ALK: variants seen among roughly 807,000 people sequenced by gnomAD.
ALK encodes the protein ALK receptor tyrosine kinase.
Under a neutral mutation model 163.1 loss-of-function variants are expected in ALK, and 74 were observed. The ratio of observed to expected loss-of-function variants is 0.45; its 90% CI spans 0.38 to 0.55. The LOEUF (loss-of-function observed/expected upper bound fraction) is 0.55, where lower values mean the gene tolerates loss of function less well. Among genes scored for constraint, ALK ranks in the 20% least tolerant of loss-of-function variants. The pLI is 0.00. For missense variants in ALK, 2,063 were observed against 2,105.3 expected, an observed-to-expected ratio of 0.98 and a Z score of 0.39; for synonymous variants, 960 against 843.2, an observed-to-expected ratio of 1.14 and a Z score of -2.40.
chr2:29,432,290 T>G (rs779186483), intron 4 of ALK, among the ~76,000 whole-genome samples: 7 of 152,048 alleles, frequency 4.6e-5, no homozygotes, highest in Non-Finnish European at 1.0e-4. Context: ...AGTTCTCACT[T>G]TATTAGTTCC....
In ALK at chr2:29,296,873, A is replaced by T; in HGVS notation, c.1817+15T>A. 6.2e-7 allele frequency: 1 copy of T among 1,614,056 alleles called. No individual in the cohort carries two copies. The highest frequency in any genetic ancestry group is 1.3e-5 in the African/African-American group (1 of 75,034). On this transcript the variant is annotated intron_variant, in intron 9 of 28. Coordinates refer to ENST00000389048, the MANE Select transcript of ALK (RefSeq NM_004304.5). ...ATAGAGGAGAAGGGTATTGGGGGAGATGCATAGAGCCTACCTGTCAGACAC... is the reference window on the plus strand; with the variant it reads ...ATAGAGGAGAAGGGTATTGGGGGAGTTGCATAGAGCCTACCTGTCAGACAC...
At chr2:29,695,128 T>C (rs1015902221) in intron 2 of ALK, 114 bp from the exon 3 acceptor site, 47 of 1,198,562 alleles carry the variant, frequency 3.9e-5, no homozygotes, top group Non-Finnish European at 5.1e-5. Flanking sequence ...CTTTGCCCTG[T>C]CCAAGGGAGA....
At chr2:29,572,314 G>A (rs1674398219) in intron 3 of ALK, among the ~76,000 whole-genome samples, 1 of 152,200 alleles carries the variant, frequency 6.6e-6, no homozygotes, top group Non-Finnish European at 1.5e-5. Context: ...AGCGTTGTGG[G>A]CCATTCAGAA....
intron 3 of ALK, among the ~76,000 whole-genome samples, chr2:29,694,485 C>A (rs77893230): frequency 0.012 from 1,869 of 152,280 alleles, 46 homozygotes; most frequent in African/African-American, 0.043. Context: ...CACACTTGTA[C>A]TAAAAAATCA....
chr2:29,590,939 C>T (rs531723021), intron 3 of ALK, among the ~76,000 whole-genome samples: 10 of 151,604 alleles, frequency 6.6e-5, no homozygotes, highest in South Asian at 2.1e-4. Flanking sequence ...GGCGTGTTGG[C>T]GGGCGCCTGT....
intron 1 of ALK, among the ~76,000 whole-genome samples, chr2:29,805,877 A>G (rs937862129): frequency 6.6e-6 from 1 of 151,256 alleles, no homozygotes; most frequent in Non-Finnish European, 1.5e-5. Context: ...TCTCTATTTC[A>G]CTCCTGTATC....
chr2:29,319,465 G>A (rs1343709878), intron 7 of ALK, among the ~76,000 whole-genome samples: 1 of 152,212 alleles, frequency 6.6e-6, no homozygotes, highest in Non-Finnish European at 1.5e-5. Flanking sequence ...AAGCCCTCAT[G>A]CAGGCAGGCG....
chr2:29,617,358 C>T (rs538001956), intron 3 of ALK, among the ~76,000 whole-genome samples: 18 of 152,304 alleles, frequency 1.2e-4, no homozygotes, highest in Admixed American at 8.5e-4. Context: ...TTGTGCATGA[C>T]GATCAGAGGA....
chr2:29,642,685 A>G (rs1676739603), intron 3 of ALK, among the ~76,000 whole-genome samples: 1 of 152,030 alleles, frequency 6.6e-6, no homozygotes, highest in African/African-American at 2.4e-5. Context: ...CTCAGACTCA[A>G]CTCTCACCTA....
At chr2:29,765,418 G>A (rs1483697762) in intron 1 of ALK, among the ~76,000 whole-genome samples, 1 of 152,052 alleles carries the variant, frequency 6.6e-6, no homozygotes, top group East Asian at 1.9e-4. Flanking sequence ...TGATACCTCT[G>A]CTCCCATCCC....
intron 15 of ALK, among the ~76,000 whole-genome samples, chr2:29,230,158 A>G (rs576105305): frequency 1.3e-5 from 2 of 152,202 alleles, no homozygotes; most frequent in South Asian, 4.1e-4. Context: ...GTGGCATAGT[A>G]TTTGCACATT....
chr2:29,226,989 T>C lies in ALK; in HGVS notation c.3000A>G (p.Glu1000=). 6.2e-7 allele frequency: 1 copy of C among 1,614,206 alleles called. No homozygotes were observed. ...CEVDECHMDP[E]SHKVICFCDH... is the part of the protein sequence containing the mutation. ...CACAGAAGCAGATGACCTTGTGGCTTTCAGGGTCCATGTGACATTCGTCTA... is the reference window on the plus strand; with the variant it reads ...CACAGAAGCAGATGACCTTGTGGCTCTCAGGGTCCATGTGACATTCGTCTA... Residue 1000 remains glutamate (E), a synonymous_variant, in exon 18 of 29, where the codon GAA becomes GAG. Transcript: ENST00000389048.
At chr2:29,339,200 G>A (rs113539533) in intron 5 of ALK, among the ~76,000 whole-genome samples, 7 of 151,288 alleles carry the variant, frequency 4.6e-5, no homozygotes, top group Non-Finnish European at 7.4e-5. Context: ...CTCAGATCAC[G>A]CCACTGCACT....
Position 29,320,733 on chromosome 2 carries a change from G to A in ALK, c.1546+18C>T. 1 of 1,613,016 alleles carries A rather than the reference G, an allele frequency of 6.2e-7. No individual in the cohort carries two copies. The highest frequency in any genetic ancestry group is 2.2e-5 in the East Asian group (1 of 44,864). On this transcript the variant is annotated intron_variant, in intron 7 of 28. Coordinates refer to ENST00000389048, the MANE Select transcript of ALK (RefSeq NM_004304.5). ...CATGAAGATGGGCACCAGAGAGAAG[G>A]CAGGAGAGCAGTAGTACCTTGGTGG...
chr2:29,314,440 C>G (rs982007370), intron 8 of ALK, among the ~76,000 whole-genome samples: 1 of 151,986 alleles, frequency 6.6e-6, no homozygotes, highest in Admixed American at 6.5e-5. Context: ...TGGAAAGGTT[C>G]GGCTGTGTCC....
chr2:29,778,969 C>T (rs1437968985), intron 1 of ALK, among the ~76,000 whole-genome samples: 1 of 151,942 alleles, frequency 6.6e-6, no homozygotes, highest in Non-Finnish European at 1.5e-5. Flanking sequence ...TCCTGGCTAA[C>T]ATGGTGAAAC....
At chr2:29,242,053 TAAC>T (rs990586912) in intron 12 of ALK, among the ~76,000 whole-genome samples, 5 of 152,164 alleles carry the variant, frequency 3.3e-5, no homozygotes, top group African/African-American at 7.2e-5. Flanking sequence ...GACAAGGTGA[TAAC>T]AATAATTAAA....
chr2:29,793,603 G>T (rs1664238670), intron 1 of ALK, among the ~76,000 whole-genome samples: 1 of 151,944 alleles, frequency 6.6e-6, no homozygotes, highest in Non-Finnish European at 1.5e-5. Flanking sequence ...CACTATCCAT[G>T]GATTGCAGAA....
intron 2 of ALK, among the ~76,000 whole-genome samples, chr2:29,716,998 A>AC (rs1679277541): frequency 1.9e-4 from 3 of 15,954 alleles, no homozygotes; most frequent in African/African-American, 3.8e-4. Flanking sequence ...CAAAAATCCA[A>AC]AAAAAAAAAA....
Sources: gnomAD v4.1 joint callset for allele counts (sites outside exome capture counted in the v4.1 genomes callset) on GRCh38, gnomAD v4.1.1 for gene constraint, MANE v1.5 for transcripts, NCBI Gene and HGNC (gene_info 2026-07-23, HGNC 2026-07-21) for gene names.